Variants in RPRD1B observed in about 807,000 individuals in gnomAD.
RPRD1B encodes regulation of nuclear pre-mRNA domain containing 1B, also known as regulation of nuclear pre-mRNA domain-containing protein 1B.
A neutral mutation model predicts 41.5 loss-of-function variants in RPRD1B; 11 were observed. The observed-to-expected ratio is 0.27, with a 90% CI of 0.17 to 0.44. The LOEUF (loss-of-function observed/expected upper bound fraction) is 0.44, where lower values mean the gene tolerates loss of function less well. Among genes scored for constraint, RPRD1B ranks in the 20% least tolerant of loss-of-function variants. The pLI is 1.00. For missense variants in RPRD1B, 248 were observed against 389.9 expected (o/e 0.64, Z 3.06); for synonymous variants, 158 against 155.6 (o/e 1.02, Z -0.12).
chr20:38,036,829 GTAGA>G (rs1171148843), intron 1 of RPRD1B, among the ~76,000 whole-genome samples: 1 of 152,222 alleles, frequency 6.6e-6, no homozygotes, highest in Non-Finnish European at 1.5e-5. Context: ...AAAGTTTTAA[GTAGA>G]TAGAATTGAA....
chr20:38,061,407 C>T lies in RPRD1B; in HGVS notation c.655+1887C>T, dbSNP rs111583019. Among the ~76,000 whole-genome samples the T allele has an allele frequency of 7.9e-3, 1,204 of 152,226 alleles. 2 individuals carry two copies. Among genetic ancestry groups the T allele is most frequent in the Middle Eastern group, 0.02 (6 of 294 alleles). On this transcript the variant is annotated intron_variant, in intron 5 of 6. Transcript: ENST00000373433. ...AACTAACATGTCTGAGTTGACTTTT[C>T]CTCCTATTTCTCTACATGGACATGC... is the stretch of plus-strand genomic sequence containing the variant.
chr20:38,035,157 G>T (rs548693306), intron 1 of RPRD1B, among the ~76,000 whole-genome samples: 2 of 152,164 alleles, frequency 1.3e-5, no homozygotes, highest in Admixed American at 6.5e-5. Context: ...GCATTCAGCA[G>T]ATTATGGTGA....
intron 6 of RPRD1B, chr20:38,083,944 T>G (rs1434086764): frequency 2.7e-5 from 4 of 149,652 alleles, no homozygotes; most frequent in East Asian, 1.9e-4. Context: ...TCAGTGATGG[T>G]TTTTTTTTCC....
At chr20:38,059,581 C>A (rs2074276707) in intron 5 of RPRD1B, 61 bp downstream of exon 5, 1 of 1,538,624 alleles carries the variant, frequency 6.5e-7, no homozygotes, top group Non-Finnish European at 8.9e-7. Flanking sequence ...AATGCAGTAA[C>A]CCTAGGCCAT....
At chr20:38,082,283 T>A (rs1175123900) in intron 6 of RPRD1B, among the ~76,000 whole-genome samples, 1 of 152,246 alleles carries the variant, frequency 6.6e-6, no homozygotes, top group Admixed American at 6.5e-5. Context: ...CCTGGTTCAA[T>A]CTCGGGAGAT....
chr20:38,091,054 A>G lies in RPRD1B; in HGVS notation c.*1179A>G. On this transcript the variant is annotated 3_prime_UTR_variant, in exon 7 of 7. Transcript: ENST00000373433. ...ATGTCAGCTGACATTATGACTATAT[A>G]ATGTAGTTAGAGACAATTTTTATCT... 1 of 985,700 alleles carries G rather than the reference A, an allele frequency of 1.0e-6. No individual in the cohort carries two copies. Among genetic ancestry groups the G allele is most frequent in the Non-Finnish European group, 1.2e-6 (1 of 829,840 alleles). The allele number at this position is 985,700 out of a possible 1,614,324, so 61.1% of individuals were successfully genotyped here.
rs114605085 is a variant in RPRD1B, at chr20:38,082,817, A to T, written c.832-6909A>T. Among the ~76,000 whole-genome samples the T allele has an allele frequency of 7.3e-3, 1,115 of 152,066 alleles. 14 individuals carry two copies. The highest frequency in any genetic ancestry group is 0.025 in the African/African-American group (1,050 of 41,464). On this transcript the variant is annotated intron_variant, in intron 6 of 6. Coordinates refer to ENST00000373433, the MANE Select transcript of RPRD1B (RefSeq NM_021215.4). ...TGTTTGCTAATGGAAAGGAATTGAA[A>T]TTTTTTTTTATTATAGAGAGAGCTG...
At chr20:38,054,718 AT>A (rs1311071980) in intron 3 of RPRD1B, among the ~76,000 whole-genome samples, 4 of 152,208 alleles carry the variant, frequency 2.6e-5, no homozygotes, top group Non-Finnish European at 4.4e-5. Flanking sequence ...AAACGGAAGG[AT>A]TTCAAGTTTT....
chr20:38,087,441 T>C (rs1177756126), intron 6 of RPRD1B, among the ~76,000 whole-genome samples: 4 of 152,170 alleles, frequency 2.6e-5, no homozygotes, highest in African/African-American at 9.7e-5. Flanking sequence ...CTTGGTGGTT[T>C]TCAAATTGTT....
In RPRD1B at chr20:38,092,256, A is replaced by G. The variant is rs2074617298; in HGVS notation, c.*2381A>G. On this transcript the variant is annotated 3_prime_UTR_variant, in exon 7 of 7. Coordinates refer to ENST00000373433, the MANE Select transcript of RPRD1B (RefSeq NM_021215.4). ...GAATATTTTCAAAGCTTAAATTTGT[A>G]TATTAATTTAGGACTATTTAGAAGT... 1.2e-5 allele frequency: 12 copies of G among 984,620 alleles called. No homozygotes were observed. The highest frequency in any genetic ancestry group is 6.2e-5 in the Admixed American group (1 of 16,254). 61.0% of individuals were successfully genotyped at this position (984,620 alleles called of 1,614,324 possible).
intron 3 of RPRD1B, among the ~76,000 whole-genome samples, chr20:38,053,067 CTT>C (rs2074204732): frequency 1.3e-5 from 2 of 151,986 alleles, no homozygotes; most frequent in South Asian, 4.2e-4. Flanking sequence ...GACAGAAGGA[CTT>C]TGGCTACCCC....
Position 38,059,496 on chromosome 20 carries a change from G to C in RPRD1B, c.631G>C (p.Val211Leu). ...TTCTCTGCCCCAGGAAGTGCAAGAT[G>C]TTTCTCTATTGGAAAAAATAACAGG... ...IASLPQEVQDVSLLEKITDKE... is the reference protein window; with the variant it reads ...IASLPQEVQDLSLLEKITDKE... Residue 211 changes from valine to leucine, a missense_variant, in exon 5 of 7, where the codon GTT (valine) becomes CTT (leucine). Val to Leu is a conservative substitution (Grantham distance 32). Around this residue, in one of 5 missense-constraint regions of RPRD1B, gnomAD observed 93 missense variants for 167.2 expected, o/e 0.56. Transcript: ENST00000373433. 1 of 1,614,014 alleles carries C rather than the reference G, an allele frequency of 6.2e-7. No homozygotes were observed. The highest frequency in any genetic ancestry group is 8.5e-7 in the Non-Finnish European group (1 of 1,179,954).
Position 38,059,395 on chromosome 20 carries a change from C to T in RPRD1B, c.530C>T (p.Thr177Ile). ...PQDPSAGPLL[T>I]EELIKALQDL... is the part of the protein sequence containing the mutation. ...GTTGTTTGTGTTTTCATCTTACAGACTGAGGAACTAATCAAAGCTTTGCAG... is the reference window on the plus strand; with the variant it reads ...GTTGTTTGTGTTTTCATCTTACAGATTGAGGAACTAATCAAAGCTTTGCAG... Residue 177 changes from threonine to isoleucine, a missense_variant and splice_region_variant, in exon 5 of 7, where the codon ACT becomes ATT. Coordinates refer to ENST00000373433, the MANE Select transcript of RPRD1B (RefSeq NM_021215.4). The T allele has an allele frequency of 1.9e-6, 3 of 1,611,720 alleles. No individual in the cohort carries two copies. Among genetic ancestry groups the T allele is most frequent in the Non-Finnish European group, 2.5e-6 (3 of 1,178,850 alleles).
chr20:38,049,834 C>T (rs2074165801), intron 3 of RPRD1B: 1 of 470,988 alleles, frequency 2.1e-6, no homozygotes, highest in South Asian at 1.5e-5. Context: ...TATTGAAGAC[C>T]CTTTCTATCT....
intron 3 of RPRD1B, among the ~76,000 whole-genome samples, chr20:38,050,029 A>G (rs1288008469): frequency 6.6e-6 from 1 of 152,192 alleles, no homozygotes; most frequent in Non-Finnish European, 1.5e-5. Context: ...CTCATTCTCC[A>G]AGAATGCAAC....
intron 6 of RPRD1B, among the ~76,000 whole-genome samples, chr20:38,078,598 A>G (rs1244685409): frequency 1.3e-5 from 2 of 152,120 alleles, no homozygotes; most frequent in African/African-American, 2.4e-5. Context: ...GGCATGTCCA[A>G]CCCACTCCTG....
At chr20:38,074,300 A>C (rs1195026958) in intron 6 of RPRD1B, among the ~76,000 whole-genome samples, 2 of 152,128 alleles carry the variant, frequency 1.3e-5, no homozygotes, top group East Asian at 3.9e-4. Context: ...CCTACTGCTT[A>C]GGCCCAGTTT....
intron 6 of RPRD1B, among the ~76,000 whole-genome samples, chr20:38,080,790 G>T (rs779435190): frequency 2.6e-5 from 4 of 152,222 alleles, no homozygotes; most frequent in Non-Finnish European, 4.4e-5. Flanking sequence ...CTCCCAAAGT[G>T]CTGGGATTAT....
chr20:38,078,343 A>G (rs1253990775), intron 6 of RPRD1B, among the ~76,000 whole-genome samples: 2 of 152,110 alleles, frequency 1.3e-5, no homozygotes, highest in South Asian at 2.1e-4. Flanking sequence ...CTCTCTGCCC[A>G]GGACACACTT....
Sources: gnomAD v4.1 joint callset for allele counts (sites outside exome capture counted in the v4.1 genomes callset) on GRCh38, gnomAD v4.1.1 for gene constraint, gnomAD v4.1.1 regional missense constraint, MANE v1.5 for transcripts, NCBI Gene and HGNC (gene_info 2026-07-23, HGNC 2026-07-21) for gene names.